The following TAB2 variants were observed in gnomAD, a reference collection of about 807,000 sequenced individuals.
The protein encoded by TAB2 is TGF-beta activated kinase 1 (MAP3K7) binding protein 2.
In TAB2, 3 loss-of-function variants were observed where a neutral mutation model predicts 65.0. That is an observed-to-expected ratio of 0.05 (90% confidence interval 0.02 to 0.12). The LOEUF is 0.12. TAB2 is among the 10% of genes least tolerant of loss of function. The probability of loss-of-function intolerance (pLI) is 1.00; values close to 1 mark genes in which losing one functional copy is unlikely to be tolerated. For missense variants in TAB2, 623 were observed against 840.3 expected (o/e 0.74, Z 3.20); for synonymous variants, 298 against 285.1 (o/e 1.05, Z -0.46).
chr6:149,379,820 G>A, intron 3 of TAB2: 1 of 450,890 alleles, frequency 2.2e-6, no homozygotes, highest in South Asian at 1.6e-5. Flanking sequence ...TACCTGTGGT[G>A]ATGCTGACTT....
intron 2 of TAB2, among the ~76,000 whole-genome samples, chr6:149,372,856 T>G (rs2114866315): frequency 6.6e-6 from 1 of 152,338 alleles, no homozygotes; most frequent in Non-Finnish European, 1.5e-5. Context: ...TACCTCTAAA[T>G]GACAGCGTCT....
chr6:149,383,293 T>G (rs906560908), intron 3 of TAB2, among the ~76,000 whole-genome samples: 5 of 152,194 alleles, frequency 3.3e-5, no homozygotes, highest in Non-Finnish European at 7.4e-5. Context: ...GTCTGTGGTT[T>G]GAGAGCTTAA....
In TAB2 at chr6:149,379,294, C is replaced by A. The variant is rs1781524345; in HGVS notation, c.1379C>A (p.Thr460Lys). The change falls in exon 3 of 7, where the codon ACG becomes AAG. Residue 460 changes from threonine (T) to lysine (K), a missense_variant. By Grantham distance (78) the Thr-to-Lys change is moderately conservative. Transcript: ENST00000637181. ...CGAGTGGTAGTCACTCAGCCCAATA[C>A]GAAATACACTTTCAAAATTACAGTC... ...SPRVVVTQPN[T>K]KYTFKITVSP... The A allele has an allele frequency of 6.2e-7, 1 of 1,614,072 alleles. No individual in the cohort carries two copies. Among genetic ancestry groups the A allele is most frequent in the African/African-American group, 1.3e-5 (1 of 74,916 alleles).
intron 1 of TAB2, among the ~76,000 whole-genome samples, chr6:149,325,811 C>A (rs368795321): frequency 1.3e-5 from 2 of 152,216 alleles, no homozygotes; most frequent in African/African-American, 4.8e-5. Flanking sequence ...ACAACCACAG[C>A]TCACTGAAGT....
intron 1 of TAB2, among the ~76,000 whole-genome samples, chr6:149,310,334 C>CAAAACA (rs1269383151): frequency 3.9e-4 from 60 of 151,984 alleles, no homozygotes; most frequent in African/African-American, 1.4e-3. Context: ...GACCCCATCT[C>CAAAACA]AAAACAAAAA....
chr6:149,287,943 C>T (rs1042164363), intron 1 of TAB2, among the ~76,000 whole-genome samples: 15 of 152,194 alleles, frequency 9.9e-5, no homozygotes, highest in African/African-American at 3.1e-4. Context: ...CTTTGATGCA[C>T]TCCTAAAAAC....
At chr6:149,276,605 C>T (rs1778478718) in intron 1 of TAB2, among the ~76,000 whole-genome samples, 1 of 152,168 alleles carries the variant, frequency 6.6e-6, no homozygotes, top group African/African-American at 2.4e-5. Context: ...CAACCTCACT[C>T]ATAAGAGGAA....
chr6:149,227,069 G>A (rs1777295478), intron 1 of TAB2, among the ~76,000 whole-genome samples: 2 of 152,108 alleles, frequency 1.3e-5, no homozygotes, highest in South Asian at 2.1e-4. Flanking sequence ...AAAAAAACCT[G>A]GTGAAACAGT....
At chr6:149,397,320 A>G (rs942676191) in intron 3 of TAB2, among the ~76,000 whole-genome samples, 1 of 152,106 alleles carries the variant, frequency 6.6e-6, no homozygotes, top group Non-Finnish European at 1.5e-5. Flanking sequence ...AGTTGCCCAT[A>G]ATCCCAGCTA....
chr6:149,402,055 A>C (rs1004237261), intron 6 of TAB2, among the ~76,000 whole-genome samples: 5 of 152,014 alleles, frequency 3.3e-5, no homozygotes, highest in African/African-American at 1.2e-4. Context: ...GAAGAACAAC[A>C]AGCTAAGCCT....
intron 1 of TAB2, chr6:149,257,482 C>T (rs973766552): frequency 9.2e-5 from 14 of 152,152 alleles, no homozygotes; most frequent in Admixed American, 6.5e-5. Context: ...TTTTTCCCCA[C>T]TGAGACCCTC....
At chr6:149,260,452 A>G (rs1043284481) in intron 1 of TAB2, among the ~76,000 whole-genome samples, 5 of 152,316 alleles carry the variant, frequency 3.3e-5, no homozygotes, top group Admixed American at 6.5e-5. Flanking sequence ...TCTGTCTGCT[A>G]TCACTCCTTA....
chr6:149,250,479 T>C (rs1165080220), intron 1 of TAB2, among the ~76,000 whole-genome samples: 2 of 152,126 alleles, frequency 1.3e-5, no homozygotes, highest in Non-Finnish European at 2.9e-5. Context: ...CTAATTTTTG[T>C]ATTTTTAGTA....
At chr6:149,274,786 C>G (rs1778424646) in intron 1 of TAB2, among the ~76,000 whole-genome samples, 1 of 152,170 alleles carries the variant, frequency 6.6e-6, no homozygotes, top group Non-Finnish European at 1.5e-5. Context: ...TGCACTTATA[C>G]CCAGAGCTGG....
chr6:149,293,030 C>T (rs1336172549), intron 1 of TAB2, among the ~76,000 whole-genome samples: 2 of 149,736 alleles, frequency 1.3e-5, no homozygotes, highest in Non-Finnish European at 2.9e-5. Flanking sequence ...GGGAGTTTCC[C>T]GTTGAGCTTT....
chr6:149,311,646 A>ATCATTGTTGG (rs1779169636), intron 1 of TAB2, among the ~76,000 whole-genome samples: 1 of 120,958 alleles, frequency 8.3e-6, no homozygotes, highest in Non-Finnish European at 1.9e-5. Flanking sequence ...TAATGGTACC[A>ATCATTGTTGG]CTGTCAATGC....
At chr6:149,405,028 A>G (rs1456761349) in intron 6 of TAB2, among the ~76,000 whole-genome samples, 1 of 152,250 alleles carries the variant, frequency 6.6e-6, no homozygotes, top group East Asian at 1.9e-4. Flanking sequence ...TAAAGGGTTT[A>G]TATTCAAAAT....
chr6:149,330,906 ACC>A (rs1295370168), intron 1 of TAB2, among the ~76,000 whole-genome samples: 1 of 152,058 alleles, frequency 6.6e-6, no homozygotes, highest in Non-Finnish European at 1.5e-5. Flanking sequence ...TTGCTTTTGT[ACC>A]TTTGTCAAAA....
intron 1 of TAB2, chr6:149,244,988 G>A (rs1254622374): frequency 2.0e-5 from 3 of 152,054 alleles, no homozygotes; most frequent in Non-Finnish European, 4.4e-5. Context: ...TTAGATATCA[G>A]TGCTATCCCC....
Sources: gnomAD v4.1 joint callset for allele counts (sites outside exome capture counted in the v4.1 genomes callset) on GRCh38, gnomAD v4.1.1 for gene constraint, MANE v1.5 for transcripts, NCBI Gene and HGNC (gene_info 2026-07-23, HGNC 2026-07-21) for gene names.